The following RNF220 variants were observed in gnomAD, a reference collection of about 807,000 sequenced individuals.
RNF220 encodes E3 ubiquitin-protein ligase RNF220.
In RNF220, 7 loss-of-function variants were observed where a neutral mutation model predicts 67.1. The observed-to-expected ratio is 0.10, with a 90% CI of 0.06 to 0.20. The LOEUF is 0.20. RNF220 is among the 10% of genes least tolerant of loss of function. The pLI, the probability that RNF220 is intolerant of heterozygous loss-of-function variation, is 1.00. For synonymous variants in RNF220, 270 were observed against 283.2 expected (o/e 0.95, Z 0.47); for missense variants, 565 against 740.3 (o/e 0.76, Z 2.75).
At chr1:44,543,679 A>G (rs1201246057) in intron 2 of RNF220, among the ~76,000 whole-genome samples, 1 of 152,076 alleles carries the variant, frequency 6.6e-6, no homozygotes, top group Non-Finnish European at 1.5e-5. Context: ...GAAACATTGC[A>G]TCATGTTTTG....
At chr1:44,539,951 T>G (rs1661545527) in intron 2 of RNF220, among the ~76,000 whole-genome samples, 1 of 152,224 alleles carries the variant, frequency 6.6e-6, no homozygotes, top group African/African-American at 2.4e-5. Context: ...GTATGAATAC[T>G]GTCTCTTACT....
Position 44,645,092 on chromosome 1 carries a change from G to A in RNF220, c.1310+11G>A. The A allele has an allele frequency of 6.2e-7, 1 of 1,614,072 alleles. No individual in the cohort carries two copies. On this transcript the variant is annotated intron_variant, in intron 10 of 14. Transcript: ENST00000361799. The surrounding 1 kb of genome is among the most constrained non-coding windows in gnomAD (Gnocchi z 5.0). ...GGGCGCAGTCCTAAAGCAAGTGTGG[G>A]CACAGGCTTGGGCGGGTGGAGCAGA... is the stretch of plus-strand genomic sequence containing the variant.
At chr1:44,509,134 G>C (rs559005315) in intron 2 of RNF220, among the ~76,000 whole-genome samples, 17 of 152,318 alleles carry the variant, frequency 1.1e-4, no homozygotes, top group African/African-American at 4.1e-4. Flanking sequence ...ATTTACGGGT[G>C]TGAAAAATCA....
At chr1:44,610,014 GC>G (rs1456219083) in intron 2 of RNF220, among the ~76,000 whole-genome samples, 1 of 152,170 alleles carries the variant, frequency 6.6e-6, no homozygotes, top group Non-Finnish European at 1.5e-5. Flanking sequence ...TCCCCTCCCT[GC>G]CCTCCTCCTG....
At chr1:44,511,387 G>A (rs1048882419) in intron 2 of RNF220, among the ~76,000 whole-genome samples, 3 of 152,140 alleles carry the variant, frequency 2.0e-5, no homozygotes, top group Admixed American at 6.5e-5. Flanking sequence ...TGAGGGTGAG[G>A]GGAAAGGAAA....
Position 44,622,425 on chromosome 1 carries a change from G to C in RNF220, c.759-317G>C, listed in dbSNP as rs542703261. Among the ~76,000 whole-genome samples the C allele has an allele frequency of 6.6e-6, 1 of 152,330 alleles. No individual in the cohort carries two copies. The highest frequency in any genetic ancestry group is 1.9e-4 in the East Asian group (1 of 5,184). On this transcript the variant is annotated intron_variant, in intron 3 of 14. Transcript: ENST00000361799. This position sits in a 1 kb window ranked among gnomAD's most constrained non-coding sequence, Gnocchi z 4.3. ...GGAGAGAAGGGGGTCTCCAGGACAG[G>C]CAGAATCTTCAGGGCTGATACGAGG...
At chr1:44,489,797 T>G (rs1432646805) in intron 2 of RNF220, among the ~76,000 whole-genome samples, 1 of 151,852 alleles carries the variant, frequency 6.6e-6, no homozygotes, top group Admixed American at 6.5e-5. Context: ...AAGGGCAGAA[T>G]CTGCTTCACC....
chr1:44,640,727 C>T (rs957274879), intron 8 of RNF220, among the ~76,000 whole-genome samples: 2 of 152,186 alleles, frequency 1.3e-5, no homozygotes, highest in Non-Finnish European at 2.9e-5. Context: ...TTGATTGTCC[C>T]GCATCGCAGC....
chr1:44,552,712 G>T (rs1296939943), intron 2 of RNF220, among the ~76,000 whole-genome samples: 1 of 151,214 alleles, frequency 6.6e-6, no homozygotes, highest in African/African-American at 2.4e-5. Context: ...CTGGGACTAC[G>T]GGCACCCGCC....
At chr1:44,430,521 A>G (rs1439407289) in intron 2 of RNF220, among the ~76,000 whole-genome samples, 1 of 152,154 alleles carries the variant, frequency 6.6e-6, no homozygotes, top group Admixed American at 6.5e-5. Context: ...AAACTATTCC[A>G]AAATAAAAGT....
chr1:44,551,670 G>C (rs553855946), intron 2 of RNF220, among the ~76,000 whole-genome samples: 2 of 152,010 alleles, frequency 1.3e-5, no homozygotes, highest in African/African-American at 2.4e-5. Context: ...TTACTAATTT[G>C]ATTAGCCAAA....
intron 2 of RNF220, among the ~76,000 whole-genome samples, chr1:44,444,774 A>G (rs1651914774): frequency 6.6e-6 from 1 of 151,206 alleles, no homozygotes; most frequent in Non-Finnish European, 1.5e-5. Context: ...TGATGGTGAT[A>G]TACATTTGGG....
At chr1:44,508,652 G>A (rs768255970) in intron 2 of RNF220, among the ~76,000 whole-genome samples, 5 of 152,180 alleles carry the variant, frequency 3.3e-5, no homozygotes, top group Non-Finnish European at 7.3e-5. Flanking sequence ...CTCACATCTT[G>A]TTGCTGCATG....
intron 3 of RNF220, among the ~76,000 whole-genome samples, chr1:44,617,220 G>A (rs541106327): frequency 2.7e-4 from 41 of 152,322 alleles, no homozygotes; most frequent in African/African-American, 9.1e-4. Flanking sequence ...CGATAAAGCC[G>A]AAACGCTGGC....
At chr1:44,572,791 T>A (rs1664536275) in intron 2 of RNF220, among the ~76,000 whole-genome samples, 1 of 152,116 alleles carries the variant, frequency 6.6e-6, no homozygotes, top group South Asian at 2.1e-4. Context: ...TTGTGTCTCT[T>A]CTCTTCAATA....
At chr1:44,508,909 G>C (rs1453308469) in intron 2 of RNF220, among the ~76,000 whole-genome samples, 1 of 152,070 alleles carries the variant, frequency 6.6e-6, no homozygotes, top group Non-Finnish European at 1.5e-5. Context: ...CCTTTTTTAT[G>C]ATGAAGAAAC....
At chr1:44,445,945 A>G (rs1652039401) in intron 2 of RNF220, among the ~76,000 whole-genome samples, 1 of 152,226 alleles carries the variant, frequency 6.6e-6, no homozygotes, top group Non-Finnish European at 1.5e-5. Context: ...AATAGTAGTA[A>G]TTGTTATTAA....
intron 3 of RNF220, among the ~76,000 whole-genome samples, chr1:44,617,673 C>T (rs1208513073): frequency 2.0e-5 from 3 of 152,310 alleles, no homozygotes; most frequent in East Asian, 3.9e-4. Flanking sequence ...CCTGAGACAC[C>T]CTCTCCACTC....
chr1:44,435,202 G>A (rs993363767), intron 2 of RNF220, among the ~76,000 whole-genome samples: 2 of 152,118 alleles, frequency 1.3e-5, no homozygotes, highest in African/African-American at 4.8e-5. Context: ...GAGCAACATG[G>A]TGCTAGTCCA....
Sources: gnomAD v4.1 joint callset for allele counts (sites outside exome capture counted in the v4.1 genomes callset) on GRCh38, gnomAD v4.1.1 for gene constraint, Gnocchi (gnomAD v3.1) non-coding constraint, MANE v1.5 for transcripts, NCBI Gene and HGNC (gene_info 2026-07-23, HGNC 2026-07-21) for gene names.